LRRC4C: variants seen among roughly 807,000 people sequenced by gnomAD.
LRRC4C encodes leucine-rich repeat-containing protein 4C.
LRRC4C carries 5 observed loss-of-function variants against 33.6 expected under a neutral mutation model. The ratio of observed to expected loss-of-function variants is 0.15; its 90% CI spans 0.08 to 0.31. LRRC4C has a LOEUF of 0.31. Among genes scored for constraint, LRRC4C ranks in the 10% least tolerant of loss-of-function variants. LRRC4C has a pLI of 1.00. For missense variants in LRRC4C, 560 were observed against 796.7 expected, an observed-to-expected ratio of 0.70 and a Z score of 3.58; for synonymous variants, 329 against 302.0, an observed-to-expected ratio of 1.09 and a Z score of -0.93.
At chr11:41,052,393 C>T (rs961378424) in intron 1 of LRRC4C, among the ~76,000 whole-genome samples, 1 of 151,786 alleles carries the variant, frequency 6.6e-6, no homozygotes, top group African/African-American at 2.4e-5. Context: ...TTGTCATCTA[C>T]ATAAGGCAAC....
At chr11:40,941,905 G>T (rs974076938) in intron 1 of LRRC4C, among the ~76,000 whole-genome samples, 7 of 152,060 alleles carry the variant, frequency 4.6e-5, no homozygotes, top group Non-Finnish European at 7.4e-5. Context: ...GATAGAGAAG[G>T]CATTATTATA....
At chr11:40,194,277 C>G (rs1314633911) in intron 5 of LRRC4C, among the ~76,000 whole-genome samples, 1 of 152,180 alleles carries the variant, frequency 6.6e-6, no homozygotes, top group Non-Finnish European at 1.5e-5. Flanking sequence ...ACCCTACAAA[C>G]CAGAAGAGAG....
chr11:41,318,824 T>G (rs1950871179), intron 1 of LRRC4C, among the ~76,000 whole-genome samples: 1 of 152,210 alleles, frequency 6.6e-6, no homozygotes, highest in Non-Finnish European at 1.5e-5. Flanking sequence ...CTGGTGAGAT[T>G]GCAGTTAGTT....
intron 4 of LRRC4C, among the ~76,000 whole-genome samples, chr11:40,278,720 C>G (rs1480060620): frequency 6.6e-6 from 1 of 152,082 alleles, no homozygotes; most frequent in African/African-American, 2.4e-5. Flanking sequence ...AAAATTAACC[C>G]TTGTAGCAAG....
intron 3 of LRRC4C, among the ~76,000 whole-genome samples, chr11:40,562,545 T>A (rs1476321889): frequency 3.3e-5 from 5 of 152,190 alleles, no homozygotes; most frequent in African/African-American, 1.2e-4. Flanking sequence ...CCCATAAATA[T>A]CATGACACTT....
At chr11:41,155,046 T>C (rs1944166536) in intron 1 of LRRC4C, among the ~76,000 whole-genome samples, 1 of 152,128 alleles carries the variant, frequency 6.6e-6, no homozygotes, top group Admixed American at 6.6e-5. Context: ...TTAGAAATTA[T>C]ATTAGAAAGT....
chr11:40,480,946 GGTT>G (rs1209070475), intron 3 of LRRC4C, among the ~76,000 whole-genome samples: 1 of 151,730 alleles, frequency 6.6e-6, no homozygotes, highest in African/African-American at 2.4e-5. Flanking sequence ...AGTGGGGAGA[GGTT>G]GTTTAAAGGG....
At chr11:40,221,662 C>T (rs1766672992) in intron 5 of LRRC4C, among the ~76,000 whole-genome samples, 1 of 152,126 alleles carries the variant, frequency 6.6e-6, no homozygotes, top group South Asian at 2.1e-4. Flanking sequence ...CAGCCCGGCG[C>T]CACACCCTGG....
At chr11:40,263,436 T>C (rs934364773) in intron 4 of LRRC4C, among the ~76,000 whole-genome samples, 23 of 152,302 alleles carry the variant, frequency 1.5e-4, no homozygotes, top group African/African-American at 5.3e-4. Flanking sequence ...GACCATTCTG[T>C]GGCTCAAATC....
chr11:41,392,534 T>C lies in LRRC4C; in HGVS notation c.-496+66897A>G, dbSNP rs546766111. Among the ~76,000 whole-genome samples the C allele has an allele frequency of 2.3e-3, 349 of 148,828 alleles. 1 individual carries two copies. Among genetic ancestry groups the C allele is most frequent in the African/African-American group, 8.0e-3 (323 of 40,510 alleles). ...GGGTTGAATAGTGTTACCACCCCCATACCCACCACCTCCCCCAAACAAACA... is the reference window on the plus strand; with the variant it reads ...GGGTTGAATAGTGTTACCACCCCCACACCCACCACCTCCCCCAAACAAACA... On this transcript the variant is annotated intron_variant, in intron 1 of 6. Coordinates refer to ENST00000528697, the MANE Select transcript of LRRC4C (RefSeq NM_001258419.2).
At chr11:40,618,427 A>G (rs1476089157) in intron 3 of LRRC4C, among the ~76,000 whole-genome samples, 4 of 145,504 alleles carry the variant, frequency 2.7e-5, no homozygotes, top group Non-Finnish European at 6.1e-5. Flanking sequence ...CACTGACACT[A>G]TGATTGCAGA....
intron 3 of LRRC4C, among the ~76,000 whole-genome samples, chr11:40,453,255 G>A (rs1310794687): frequency 1.3e-5 from 2 of 152,022 alleles, no homozygotes; most frequent in Non-Finnish European, 2.9e-5. Flanking sequence ...TAACTTTTCT[G>A]AGTTTCATTT....
intron 6 of LRRC4C, among the ~76,000 whole-genome samples, chr11:40,120,895 T>C (rs1279491709): frequency 6.6e-6 from 1 of 152,202 alleles, no homozygotes; most frequent in East Asian, 1.9e-4. Context: ...TTGAGAAAGT[T>C]ACTTCACCTC....
intron 1 of LRRC4C, among the ~76,000 whole-genome samples, chr11:41,377,868 T>C (rs1045049719): frequency 6.6e-6 from 1 of 152,142 alleles, no homozygotes; most frequent in Non-Finnish European, 1.5e-5. Flanking sequence ...CTTTTTCTCA[T>C]TGGAGAGCAC....
chr11:40,262,618 G>A (rs1045023504), intron 4 of LRRC4C, among the ~76,000 whole-genome samples: 1 of 152,220 alleles, frequency 6.6e-6, no homozygotes, highest in African/African-American at 2.4e-5. Flanking sequence ...TAAAGAACAT[G>A]TGGCACATAT....
intron 5 of LRRC4C, among the ~76,000 whole-genome samples, chr11:40,189,335 T>G (rs1464681152): frequency 6.6e-6 from 1 of 152,236 alleles, no homozygotes; most frequent in Non-Finnish European, 1.5e-5. Context: ...CTATAAATCC[T>G]GGTTCTTTAC....
chr11:40,906,465 C>T (rs1956421197), intron 2 of LRRC4C, among the ~76,000 whole-genome samples: 1 of 151,492 alleles, frequency 6.6e-6, no homozygotes, highest in African/African-American at 2.4e-5. Context: ...GAGCCGAGAT[C>T]TCACCACTGC....
At chr11:41,411,416 G>A (rs373889416) in intron 1 of LRRC4C, among the ~76,000 whole-genome samples, 4 of 151,850 alleles carry the variant, frequency 2.6e-5, no homozygotes, top group South Asian at 4.2e-4. Context: ...CCAAAGTGCT[G>A]GGATTACAGG....
chr11:40,448,249 CT>C (rs1471732027), intron 3 of LRRC4C, among the ~76,000 whole-genome samples: 1 of 151,962 alleles, frequency 6.6e-6, no homozygotes, highest in Non-Finnish European at 1.5e-5. Flanking sequence ...TCCTCATTAC[CT>C]TTTTAAAAAT....
Sources: gnomAD v4.1 joint callset for allele counts (sites outside exome capture counted in the v4.1 genomes callset) on GRCh38, gnomAD v4.1.1 for gene constraint, MANE v1.5 for transcripts, NCBI Gene and HGNC (gene_info 2026-07-23, HGNC 2026-07-21) for gene names.